Variants in ASTN1 observed in about 807,000 individuals in gnomAD.
ASTN1 encodes astrotactin 1.
A neutral mutation model predicts 140.7 loss-of-function variants in ASTN1; 41 were observed. The ratio of observed to expected loss-of-function variants is 0.29; its 90% CI spans 0.23 to 0.38. ASTN1 has a LOEUF of 0.38. ASTN1 is among the 10% of genes least tolerant of loss of function. ASTN1 has a pLI of 1.00. For synonymous variants in ASTN1, 640 were observed against 652.2 expected, an observed-to-expected ratio of 0.98 and a Z score of 0.29; for missense variants, 1,479 against 1,678.8, an observed-to-expected ratio of 0.88 and a Z score of 2.08.
rs182476257 is a variant in ASTN1 at position 177,027,223 on chromosome 1, C to A, written c.1120+2411G>T. Among the ~76,000 whole-genome samples the A allele has an allele frequency of 2.2e-3, 329 of 152,234 alleles. 3 individuals carry two copies. The highest frequency in any genetic ancestry group is 7.5e-4 in the Non-Finnish European group (51 of 68,026). ...TCTCCCTGTAAACACTTCCCTGAAA[C>A]CTCCAAGAACAGATTCTCACTGATT... On this transcript the variant is annotated intron_variant, in intron 5 of 22. Transcript: ENST00000361833.
chr1:177,117,118 CT>C (rs1212665104), intron 1 of ASTN1, among the ~76,000 whole-genome samples: 3 of 152,128 alleles, frequency 2.0e-5, no homozygotes, highest in Admixed American at 6.6e-5. Context: ...TCCTCCGCCC[CT>C]CCCCACCCCC....
intron 8 of ASTN1, among the ~76,000 whole-genome samples, chr1:177,002,522 T>C (rs1048325742): frequency 3.9e-5 from 6 of 152,204 alleles, no homozygotes; most frequent in Admixed American, 3.3e-4. Flanking sequence ...GGGATGGTAC[T>C]TTGGGTGGCT....
chr1:176,918,297 G>T (rs1360091890), intron 16 of ASTN1, among the ~76,000 whole-genome samples: 1 of 152,134 alleles, frequency 6.6e-6, no homozygotes, highest in Non-Finnish European at 1.5e-5. Context: ...TTAGGTACTA[G>T]TTGAATTCAC....
chr1:176,943,775 A>G (rs1671836434), intron 14 of ASTN1, 116 bp downstream of exon 14: 1 of 1,303,768 alleles, frequency 7.7e-7, no homozygotes, highest in African/African-American at 1.5e-5. Context: ...TTTATTGTGT[A>G]TGAAGGAAAT....
chr1:176,999,825 TGCTG>T (rs1362161055), intron 8 of ASTN1, among the ~76,000 whole-genome samples: 2 of 152,162 alleles, frequency 1.3e-5, no homozygotes, highest in Non-Finnish European at 2.9e-5. Context: ...GCATTTCCCC[TGCTG>T]GCACTTATTC....
At chr1:176,970,164 T>C (rs539481033) in intron 8 of ASTN1, among the ~76,000 whole-genome samples, 1 of 152,370 alleles carries the variant, frequency 6.6e-6, no homozygotes, top group African/African-American at 2.4e-5. Flanking sequence ...TCCTCCCCTT[T>C]AGGACATATC....
chr1:176,929,632 C>T (rs1301416699), intron 16 of ASTN1, among the ~76,000 whole-genome samples: 2 of 152,188 alleles, frequency 1.3e-5, no homozygotes, highest in Non-Finnish European at 2.9e-5. Context: ...ACAGGGAGTG[C>T]AGTCAGCTGT....
chr1:177,124,434 C>T (rs938410824), intron 1 of ASTN1, among the ~76,000 whole-genome samples: 19 of 152,272 alleles, frequency 1.2e-4, no homozygotes, highest in African/African-American at 4.1e-4. Flanking sequence ...ACAAAATTCT[C>T]ACCAGGAGGG....
intron 2 of ASTN1, among the ~76,000 whole-genome samples, chr1:177,038,756 G>A (rs744520): frequency 1.5e-4 from 23 of 152,130 alleles, no homozygotes; most frequent in Middle Eastern, 3.4e-3. Context: ...AATAACACAC[G>A]TATGGTTCCT....
At chr1:177,108,720 C>T (rs138909106) in intron 1 of ASTN1, among the ~76,000 whole-genome samples, 2 of 152,208 alleles carry the variant, frequency 1.3e-5, no homozygotes, top group Admixed American at 1.3e-4. Context: ...GTTTGAAAGG[C>T]AAAGGGAGAA....
At chr1:177,004,508 G>T (rs989955507) in intron 8 of ASTN1, among the ~76,000 whole-genome samples, 2 of 151,952 alleles carry the variant, frequency 1.3e-5, no homozygotes. Context: ...AACAACAAAA[G>T]CCCGAATAGC....
At chr1:176,877,987 C>G (rs1668634250) in intron 20 of ASTN1, among the ~76,000 whole-genome samples, 1 of 152,148 alleles carries the variant, frequency 6.6e-6, no homozygotes, top group Non-Finnish European at 1.5e-5. Flanking sequence ...CATGGCCCAC[C>G]ACTCCCTCCC....
At chr1:176,984,194 C>A (rs532312511) in intron 8 of ASTN1, among the ~76,000 whole-genome samples, 1 of 152,344 alleles carries the variant, frequency 6.6e-6, no homozygotes, top group South Asian at 2.1e-4. Flanking sequence ...TCTCTCCACA[C>A]CGCTGGTGCA....
chr1:176,897,367 G>C (rs1262965273), intron 16 of ASTN1, among the ~76,000 whole-genome samples: 1 of 147,224 alleles, frequency 6.8e-6, no homozygotes, highest in African/African-American at 2.5e-5. Context: ...TTTCAAAAAA[G>C]ATTATTGAAA....
chr1:177,051,747 G>A lies in ASTN1; in HGVS notation c.471+9331C>T, dbSNP rs145497563. Among the ~76,000 whole-genome samples, 330 of 152,222 alleles carry A rather than the reference G, an allele frequency of 2.2e-3. 1 individual carries two copies. Among genetic ancestry groups the A allele is most frequent in the African/African-American group, 7.8e-3 (324 of 41,538 alleles). ...AGTGTGATCTGGAGAAAAGGTAATG[G>A]CATCAGGACTCAGAATCTCTGAGTT... On this transcript the variant is annotated intron_variant, in intron 2 of 22. Coordinates refer to ENST00000361833, the MANE Select transcript of ASTN1 (RefSeq NM_004319.3).
intron 1 of ASTN1, among the ~76,000 whole-genome samples, chr1:177,114,831 T>C (rs919606625): frequency 1.3e-5 from 2 of 152,192 alleles, no homozygotes; most frequent in African/African-American, 4.8e-5. Context: ...AAAACTCTCC[T>C]TTTGCCTTTC....
At chr1:177,133,312 T>C (rs775482557) in intron 1 of ASTN1, among the ~76,000 whole-genome samples, 2 of 152,256 alleles carry the variant, frequency 1.3e-5, no homozygotes, top group African/African-American at 2.4e-5. Flanking sequence ...ACAGACTGAA[T>C]TCAAAACAGG....
intron 16 of ASTN1, among the ~76,000 whole-genome samples, chr1:176,912,246 T>G (rs1294625952): frequency 6.6e-6 from 1 of 152,170 alleles, no homozygotes. Context: ...GGAAATATTT[T>G]TGGCCATGCA....
At chr1:177,112,462 G>T (rs1680868185) in intron 1 of ASTN1, among the ~76,000 whole-genome samples, 2 of 152,190 alleles carry the variant, frequency 1.3e-5, no homozygotes, top group Non-Finnish European at 1.5e-5. Context: ...CACCCGTGTT[G>T]GGCGGGGTGG....
Sources: allele counts gnomAD v4.1 joint callset (sites outside exome capture counted in the v4.1 genomes callset), GRCh38; gene constraint gnomAD v4.1.1; transcripts MANE v1.5; gene names NCBI Gene and HGNC (gene_info 2026-07-23, HGNC 2026-07-21).